TRIM24: variants seen among roughly 807,000 people sequenced by gnomAD.
TRIM24 encodes the protein tripartite motif containing 24, also known as transcription intermediary factor 1-alpha.
TRIM24 carries 29 observed loss-of-function variants against 123.9 expected under a neutral mutation model. That is an observed-to-expected ratio of 0.23 (90% confidence interval 0.17 to 0.32). The LOEUF is 0.32. TRIM24 is among the 10% of genes least tolerant of loss of function. The pLI, the probability that TRIM24 is intolerant of heterozygous loss-of-function variation, is 1.00. For synonymous variants in TRIM24, 456 were observed against 461.1 expected (o/e 0.99, Z 0.14); for missense variants, 932 against 1,295.3 (o/e 0.72, Z 4.31).
intron 2 of TRIM24, among the ~76,000 whole-genome samples, chr7:138,507,240 T>C (rs954998773): frequency 2.6e-5 from 4 of 152,168 alleles, no homozygotes; most frequent in Non-Finnish European, 4.4e-5. Context: ...CAAACGCCCA[T>C]GGACCCATCG....
At chr7:138,576,942 TGA>T (rs1423977964) in intron 13 of TRIM24, among the ~76,000 whole-genome samples, 3 of 152,218 alleles carry the variant, frequency 2.0e-5, no homozygotes, top group African/African-American at 7.2e-5. Context: ...AAGAATTGTC[TGA>T]GGGAGAAAAG....
intron 6 of TRIM24, among the ~76,000 whole-genome samples, chr7:138,530,883 C>T (rs1439599905): frequency 6.6e-6 from 1 of 152,076 alleles, no homozygotes. Flanking sequence ...CCCCAGTCTC[C>T]TGAGTAGCTG....
In TRIM24 at chr7:138,483,430, T is replaced by A. The variant is rs898565474; in HGVS notation, c.365-20860T>A. Among the ~76,000 whole-genome samples, 24 of 152,228 alleles carry A rather than the reference T, an allele frequency of 1.6e-4. No homozygotes were observed. In the South Asian group the frequency reaches 2.5e-3, roughly 16 times the overall value. ...GCTGCCTAAATTCTCCATTGTTGAATAAAAGTCAAGCCAGTGGAAATTTAT... is the reference window on the plus strand; with the variant it reads ...GCTGCCTAAATTCTCCATTGTTGAAAAAAAGTCAAGCCAGTGGAAATTTAT... On this transcript the variant is annotated intron_variant, in intron 1 of 18. Transcript: ENST00000343526.
At chr7:138,485,843 G>T (rs936301502) in intron 1 of TRIM24, among the ~76,000 whole-genome samples, 1 of 152,104 alleles carries the variant, frequency 6.6e-6, no homozygotes, top group African/African-American at 2.4e-5. Flanking sequence ...ATAATCCTTT[G>T]GGTATATACC....
At chr7:138,500,939 A>G (rs903027998) in intron 1 of TRIM24, among the ~76,000 whole-genome samples, 3 of 147,942 alleles carry the variant, frequency 2.0e-5, no homozygotes, top group African/African-American at 5.1e-5. Flanking sequence ...AAACATATCT[A>G]AAACCTAGAA....
In TRIM24 at chr7:138,584,866, A is replaced by G. The variant is rs145746225; in HGVS notation, c.3068A>G (p.Lys1023Arg). Residue 1023 changes from lysine to arginine, a missense_variant, in exon 19 of 19, where the codon AAA becomes AGA. Physicochemically the swap from Lys to Arg is conservative, Grantham distance 26. Coordinates refer to ENST00000343526, the MANE Select transcript of TRIM24 (RefSeq NM_015905.3). Reference sequence around the variant, plus strand: ...TTCAGGAATGAATCAGAAGATAATAAATTTAGTGATGATTCAGATGATGAC... The same window carrying G: ...TTCAGGAATGAATCAGAAGATAATAGATTTAGTGATGATTCAGATGATGAC... ...PEFRNESEDN[K>R]FSDDSDDDFV... is the part of the protein sequence containing the mutation. 163 of 1,613,862 alleles carry G rather than the reference A, an allele frequency of 1.0e-4. No homozygotes were observed. The African/African-American group carries it at 1.8e-3, about 18-fold the overall frequency.
chr7:138,548,048 A>G (rs1466681234), intron 7 of TRIM24, among the ~76,000 whole-genome samples: 2 of 152,196 alleles, frequency 1.3e-5, no homozygotes, highest in African/African-American at 4.8e-5. Context: ...AGGGAAAAAC[A>G]GTATTACCAA....
intron 1 of TRIM24, among the ~76,000 whole-genome samples, chr7:138,478,966 T>C (rs768227787): frequency 4.5e-4 from 69 of 152,310 alleles, no homozygotes; most frequent in Non-Finnish European, 8.4e-4. Flanking sequence ...TTAAGAAGAC[T>C]AAAAGTTAAG....
At chr7:138,491,023 AT>A in intron 1 of TRIM24, 2 of 237,888 alleles carry the variant, frequency 8.4e-6, no homozygotes, top group Admixed American at 5.6e-5. Flanking sequence ...ATGGTGTGCC[AT>A]TTTTTCACCC....
At chr7:138,525,188 G>A (rs1796583188) in intron 4 of TRIM24, 53 bp from the exon 5 acceptor site, 1 of 801,576 alleles carries the variant, frequency 1.2e-6, no homozygotes. Context: ...TTTATTCTTG[G>A]ACTTTTTCCT....
At chr7:138,571,718 T>G (rs763503820) in intron 11 of TRIM24, among the ~76,000 whole-genome samples, 14 of 152,172 alleles carry the variant, frequency 9.2e-5, no homozygotes, top group Non-Finnish European at 5.9e-5. Context: ...TTTTTGTTAT[T>G]TATTATATTT....
At chr7:138,469,423 G>A (rs905178380) in intron 1 of TRIM24, among the ~76,000 whole-genome samples, 2 of 150,202 alleles carry the variant, frequency 1.3e-5, no homozygotes, top group Admixed American at 1.3e-4. Context: ...ATTCTCCTGC[G>A]TCAGCCTCCC....
At chr7:138,534,386 T>C (rs577300802) in intron 6 of TRIM24, among the ~76,000 whole-genome samples, 1 of 152,384 alleles carries the variant, frequency 6.6e-6, no homozygotes, top group South Asian at 2.1e-4. Flanking sequence ...TTGCTTTAAA[T>C]GTGTCCCAGA....
chr7:138,464,558 T>C (rs868819677), intron 1 of TRIM24, among the ~76,000 whole-genome samples: 61 of 151,710 alleles, frequency 4.0e-4, no homozygotes, highest in Middle Eastern at 3.4e-3. Flanking sequence ...GGATCTTTTA[T>C]TTATTTAATG....
chr7:138,514,023 G>A (rs1322122771), intron 2 of TRIM24, among the ~76,000 whole-genome samples: 1 of 152,164 alleles, frequency 6.6e-6, no homozygotes, highest in African/African-American at 2.4e-5. Context: ...AGGAGGATTG[G>A]CAGGTATTAA....
chr7:138,559,691 T>C (rs1797386466), intron 9 of TRIM24, among the ~76,000 whole-genome samples: 1 of 152,170 alleles, frequency 6.6e-6, no homozygotes, highest in Non-Finnish European at 1.5e-5. Flanking sequence ...CTGGGTCAGA[T>C]GGTCTGGGTC....
intron 3 of TRIM24, 43 bp from the exon 4 acceptor site, chr7:138,519,146 A>G: frequency 1.2e-6 from 2 of 1,612,086 alleles, no homozygotes; most frequent in Non-Finnish European, 1.7e-6. Context: ...TTACTATTCA[A>G]TTATGTTAAT....
intron 6 of TRIM24, among the ~76,000 whole-genome samples, chr7:138,536,990 C>T (rs1796891355): frequency 6.6e-6 from 1 of 152,196 alleles, no homozygotes; most frequent in Non-Finnish European, 1.5e-5. Context: ...GAGCGAGGCT[C>T]CGTGGGTATG....
At chr7:138,514,141 T>G (rs749196178) in intron 2 of TRIM24, among the ~76,000 whole-genome samples, 1 of 152,212 alleles carries the variant, frequency 6.6e-6, no homozygotes, top group Non-Finnish European at 1.5e-5. Flanking sequence ...TATGGACATA[T>G]CAGGTATTTG....
Sources: gnomAD v4.1 joint callset for allele counts (sites outside exome capture counted in the v4.1 genomes callset) on GRCh38, gnomAD v4.1.1 for gene constraint, MANE v1.5 for transcripts, NCBI Gene and HGNC (gene_info 2026-07-23, HGNC 2026-07-21) for gene names.